Variants in SPAG16 observed in about 807,000 individuals in gnomAD.
SPAG16 encodes sperm associated antigen 16, also known as sperm-associated antigen 16 protein.
In SPAG16, 86 loss-of-function variants were observed where a neutral mutation model predicts 80.4. That is an observed-to-expected ratio of 1.07 (90% CI 0.90 to 1.28). The LOEUF is 1.28. Ranked by LOEUF, SPAG16 falls within the 50% of genes most tolerant of loss-of-function variation. The pLI is 0.00. For missense variants in SPAG16, 870 were observed against 765.3 expected (o/e 1.14, Z -1.61); for synonymous variants, 294 against 265.9 (o/e 1.11, Z -1.03).
chr2:213,604,316 C>T (rs1379755292), intron 10 of SPAG16, among the ~76,000 whole-genome samples: 7 of 152,172 alleles, frequency 4.6e-5, no homozygotes, highest in Non-Finnish European at 1.5e-5. Flanking sequence ...TTTTACAGAA[C>T]TCTTATTTTT....
chr2:214,206,843 T>C (rs2058157735), intron 15 of SPAG16, among the ~76,000 whole-genome samples: 2 of 152,198 alleles, frequency 1.3e-5, no homozygotes, highest in Admixed American at 6.5e-5. Flanking sequence ...TGGGATGAGA[T>C]AATATCTCAT....
intron 14 of SPAG16, among the ~76,000 whole-genome samples, chr2:214,146,087 G>A (rs1346150517): frequency 1.3e-5 from 2 of 152,268 alleles, no homozygotes; most frequent in East Asian, 3.9e-4. Flanking sequence ...AGATTGTCAT[G>A]AAATCTCACC....
chr2:214,187,320 T>A (rs2057512037), intron 15 of SPAG16, among the ~76,000 whole-genome samples: 1 of 152,082 alleles, frequency 6.6e-6, no homozygotes, highest in Non-Finnish European at 1.5e-5. Context: ...GCTTCATAGG[T>A]GAGAGGTACT....
intron 15 of SPAG16, among the ~76,000 whole-genome samples, chr2:214,355,937 A>C (rs957122096): frequency 3.4e-5 from 5 of 146,234 alleles, no homozygotes; most frequent in South Asian, 2.2e-4. Context: ...AAAACCAAAC[A>C]CCGCATGTTC....
In SPAG16 at chr2:213,515,009, C is replaced by T. The variant is rs927115748; in HGVS notation, c.1070+24919C>T. 7.9e-5 allele frequency among the ~76,000 whole-genome samples: 12 copies of T among 152,060 alleles called. No homozygotes were observed. In the South Asian group the frequency reaches 1.0e-3, roughly 13 times the overall value. ...AGGGTTTTTAAACTCTCTTGATAAC[C>T]ATATTCAAATTTTATCACCTAGAGG... On this transcript the variant is annotated intron_variant, in intron 10 of 15. Transcript: ENST00000331683.
At chr2:213,474,060 G>A (rs2073241631) in intron 9 of SPAG16, among the ~76,000 whole-genome samples, 1 of 152,188 alleles carries the variant, frequency 6.6e-6, no homozygotes, top group South Asian at 2.1e-4. Context: ...CATGGGTTGG[G>A]GAGGGGCTGT....
At chr2:213,910,029 C>A (rs921843863) in intron 11 of SPAG16, among the ~76,000 whole-genome samples, 4 of 152,072 alleles carry the variant, frequency 2.6e-5, no homozygotes, top group South Asian at 2.1e-4. Flanking sequence ...TCAGTGAAAC[C>A]AAAATCATAC....
chr2:214,299,904 C>T (rs796870811), intron 15 of SPAG16, among the ~76,000 whole-genome samples: 16 of 152,176 alleles, frequency 1.1e-4, no homozygotes, highest in East Asian at 9.6e-4. Flanking sequence ...TTATTTATTA[C>T]GGTTCAGTAA....
chr2:214,062,411 T>C (rs2125186470), intron 13 of SPAG16, among the ~76,000 whole-genome samples: 1 of 107,144 alleles, frequency 9.3e-6, no homozygotes. Context: ...AGAGCACGAC[T>C]CTGACTCAAA....
intron 9 of SPAG16, among the ~76,000 whole-genome samples, chr2:213,447,362 G>A (rs963223832): frequency 2.6e-5 from 4 of 152,140 alleles, no homozygotes; most frequent in African/African-American, 4.8e-5. Flanking sequence ...ACTGGCTATC[G>A]CCATGTCCAG....
At chr2:214,360,044 C>T (rs550968608) in intron 15 of SPAG16, among the ~76,000 whole-genome samples, 1 of 151,920 alleles carries the variant, frequency 6.6e-6, no homozygotes, top group East Asian at 1.9e-4. Flanking sequence ...ACTTGTTGAA[C>T]AGAACTTGGT....
intron 11 of SPAG16, among the ~76,000 whole-genome samples, chr2:213,871,081 C>T (rs1041049736): frequency 6.6e-6 from 1 of 152,064 alleles, no homozygotes; most frequent in Non-Finnish European, 1.5e-5. Flanking sequence ...CACACACATA[C>T]CATTCATTAT....
At chr2:213,684,181 G>A (rs973036095) in intron 10 of SPAG16, among the ~76,000 whole-genome samples, 10 of 152,100 alleles carry the variant, frequency 6.6e-5, no homozygotes, top group African/African-American at 2.2e-4. Context: ...TAATTAACCC[G>A]AATTTGCTTG....
intron 10 of SPAG16, among the ~76,000 whole-genome samples, chr2:213,639,643 T>C (rs1217529430): frequency 1.3e-5 from 2 of 152,176 alleles, no homozygotes; most frequent in Non-Finnish European, 2.9e-5. Context: ...TTGTAGATTA[T>C]TTGATGATTT....
At chr2:213,985,224 G>A (rs1175933136) in intron 12 of SPAG16, among the ~76,000 whole-genome samples, 1 of 152,002 alleles carries the variant, frequency 6.6e-6, no homozygotes, top group African/African-American at 2.4e-5. Context: ...GAAATTTTTG[G>A]TGTTGTTTCA....
chr2:213,394,506 G>A (rs2067936840), intron 9 of SPAG16, among the ~76,000 whole-genome samples: 1 of 152,112 alleles, frequency 6.6e-6, no homozygotes, highest in Non-Finnish European at 1.5e-5. Flanking sequence ...AGATTAGGAT[G>A]TTGACATTGA....
intron 10 of SPAG16, among the ~76,000 whole-genome samples, chr2:213,574,537 A>C (rs1198689637): frequency 6.6e-6 from 1 of 151,980 alleles, no homozygotes; most frequent in African/African-American, 2.4e-5. Flanking sequence ...TCTGTTACAC[A>C]TGAACATGTT....
intron 9 of SPAG16, among the ~76,000 whole-genome samples, chr2:213,442,628 C>T (rs1043023967): frequency 2.6e-5 from 4 of 151,996 alleles, no homozygotes; most frequent in African/African-American, 9.7e-5. Flanking sequence ...CAAATATAGT[C>T]AATTGATATT....
chr2:214,253,066 CAT>C (rs1320921221), intron 15 of SPAG16, among the ~76,000 whole-genome samples: 2 of 145,152 alleles, frequency 1.4e-5, no homozygotes, highest in East Asian at 2.0e-4. Flanking sequence ...AGCTTTTTTT[CAT>C]ATGTTTGTTG....
Sources: allele counts gnomAD v4.1 joint callset (sites outside exome capture counted in the v4.1 genomes callset), GRCh38; gene constraint gnomAD v4.1.1; transcripts MANE v1.5; gene names NCBI Gene and HGNC (gene_info 2026-07-23, HGNC 2026-07-21).